The following UBR4 variants were observed in gnomAD, a reference collection of about 807,000 sequenced individuals.
The protein encoded by UBR4 is ubiquitin protein ligase E3 component n-recognin 4.
Under a neutral mutation model 575.6 loss-of-function variants are expected in UBR4, and 124 were observed. The observed-to-expected ratio is 0.22, with a 90% CI of 0.19 to 0.25. The LOEUF is 0.25. Ranked by LOEUF, UBR4 falls within the 10% of genes least tolerant of loss-of-function variation. UBR4 has a pLI of 1.00. For missense variants in UBR4, 4,818 were observed against 6,478.8 expected, an observed-to-expected ratio of 0.74 and a Z score of 8.80; for synonymous variants, 2,455 against 2,473.7, an observed-to-expected ratio of 0.99 and a Z score of 0.22.
At position 19,140,780 on chromosome 1, in the gene UBR4, A is replaced by ACAGTTACCTGATGCTGTGGT. The variant is rs746746178; in HGVS notation, c.8581_8593+7dup. On this transcript the variant is annotated splice_region_variant and intron_variant, in intron 58 of 105. Transcript: ENST00000375254. ...CCCTGAGCCGTGCTCCTTGCTGTGG[A>ACAGTTACCTGATGCTGTGGT]CAGTTACCTGATGCTGTGGTGTCAG... 29 of 1,611,852 alleles carry ACAGTTACCTGATGCTGTGGT rather than the reference A, an allele frequency of 1.8e-5. No homozygotes were observed. Among genetic ancestry groups the ACAGTTACCTGATGCTGTGGT allele is most frequent in the South Asian group, 8.8e-5 (8 of 90,666 alleles).
Position 19,153,802 on chromosome 1 carries a change from A to G in UBR4, c.6596T>C (p.Ile2199Thr), listed in dbSNP as rs371368814. 2.5e-5 allele frequency: 40 copies of G among 1,614,042 alleles called. No homozygotes were observed. The highest frequency in any genetic ancestry group is 3.1e-5 in the Non-Finnish European group (37 of 1,180,022). ...AGCAGGAAGAGTCTTAATCTCCTGG[A>G]TAAGAAAAGTGTCTGGTTTCACCAT... is the stretch of plus-strand genomic sequence containing the variant. ...VVMVKPDTFLIQEIKTLPAKA... is the reference protein window; with the variant it reads ...VVMVKPDTFLTQEIKTLPAKA... The change falls in exon 45 of 106, where the codon ATC (isoleucine) becomes ACC (threonine). Residue 2199 changes from isoleucine to threonine, a missense_variant. Transcript: ENST00000375254. The surrounding 1 kb of genome is among the most constrained non-coding windows in gnomAD (Gnocchi z 4.1).
At chr1:19,193,681 T>C in intron 8 of UBR4, 124 bp from the exon 9 acceptor site, 1 of 1,288,992 alleles carries the variant, frequency 7.8e-7, no homozygotes, top group Non-Finnish European at 1.0e-6. Flanking sequence ...ATAAATGCCA[T>C]TAAGAGCAAG....
Position 19,117,273 on chromosome 1 carries a change from T to C in UBR4, c.10771A>G (p.Asn3591Asp). 6.2e-7 allele frequency: 1 copy of C among 1,614,198 alleles called. No homozygotes were observed. The highest frequency in any genetic ancestry group is 1.1e-5 in the South Asian group (1 of 91,086). ...LKRTKMVRTI[N>D]LYYNNRTVQA... ...ACGGTTCGGTTGTTATAATACAGGT[T>C]GATGGTCCGCACCATCTTGGTCCGT... The change falls in exon 73 of 106, where the codon AAC (asparagine) becomes GAC (aspartate). Residue 3591 changes from asparagine (N) to aspartate (D), a missense_variant. Transcript: ENST00000375254. The surrounding 1 kb of genome is among the most constrained non-coding windows in gnomAD (Gnocchi z 4.0).
chr1:19,117,277 G>C lies in UBR4; in HGVS notation c.10767C>G (p.Thr3589=). 6.2e-7 allele frequency: 1 copy of C among 1,614,102 alleles called. No individual in the cohort carries two copies. Among genetic ancestry groups the C allele is most frequent in the Non-Finnish European group, 8.5e-7 (1 of 1,180,024 alleles). The change falls in exon 73 of 106, where the codon ACC becomes ACG. Residue 3589 remains threonine, a synonymous_variant. Coordinates refer to ENST00000375254, the MANE Select transcript of UBR4 (RefSeq NM_020765.3). This position sits in a 1 kb window ranked among gnomAD's most constrained non-coding sequence, Gnocchi z 4.0. ...TTCGGTTGTTATAATACAGGTTGATGGTCCGCACCATCTTGGTCCGTTTCA... is the reference window on the plus strand; with the variant it reads ...TTCGGTTGTTATAATACAGGTTGATCGTCCGCACCATCTTGGTCCGTTTCA... ...GDLKRTKMVR[T]INLYYNNRTV...
Position 19,104,634 on chromosome 1 carries a change from A to T in UBR4, c.12678T>A (p.Ala4226=), listed in dbSNP as rs1437666984. The T allele has an allele frequency of 6.2e-7, 1 of 1,614,022 alleles. No individual in the cohort carries two copies. The highest frequency in any genetic ancestry group is 8.5e-7 in the Non-Finnish European group (1 of 1,180,018). ...EIARLLALEE[A]TLSTDLQQGY... ...CCTGCTGCAGATCGGTACTCAGGGT[A>T]GCCTCCTCCAGGGCCAGCAGACGAG... The change falls in exon 86 of 106, where the codon GCT becomes GCA. Residue 4226 remains alanine, a synonymous_variant. Coordinates refer to ENST00000375254, the MANE Select transcript of UBR4 (RefSeq NM_020765.3).
At position 19,192,461 on chromosome 1, in the gene UBR4, G is replaced by A; in HGVS notation, c.1203+20C>T. On this transcript the variant is annotated intron_variant, in intron 10 of 105. Transcript: ENST00000375254. ...AGGACAAGATAGGAAGTATGCAGCA[G>A]AGACAGATACGCTTCTTACCTCACC... is the stretch of plus-strand genomic sequence containing the variant. 6.2e-7 allele frequency: 1 copy of A among 1,614,196 alleles called. No homozygotes were observed. The highest frequency in any genetic ancestry group is 8.5e-7 in the Non-Finnish European group (1 of 1,180,024).
rs938504625 is a variant in UBR4, at chr1:19,157,071, T to A, written c.5761-146A>T. On this transcript the variant is annotated intron_variant, in intron 40 of 105. Transcript: ENST00000375254. This position sits in a 1 kb window ranked among gnomAD's most constrained non-coding sequence, Gnocchi z 4.4. Reference sequence around the variant, plus strand: ...TCTAGTAGAAAATCCTAGATCAGTATTAGTCTCTATTACTCCTGGCTAAAA... The same window carrying A: ...TCTAGTAGAAAATCCTAGATCAGTAATAGTCTCTATTACTCCTGGCTAAAA... The A allele has an allele frequency of 3.6e-6, 3 of 841,422 alleles. No individual in the cohort carries two copies. In the African/African-American group the frequency reaches 5.2e-5, roughly 14 times the overall value. The allele number at this position is 841,422 out of a possible 1,614,324, so 52.1% of individuals were successfully genotyped here.
chr1:19,153,586 G>A lies in UBR4; in HGVS notation c.6631-84C>T. On this transcript the variant is annotated intron_variant, in intron 45 of 105. Coordinates refer to ENST00000375254, the MANE Select transcript of UBR4 (RefSeq NM_020765.3). This position sits in a 1 kb window ranked among gnomAD's most constrained non-coding sequence, Gnocchi z 4.1. ...CAGAAAAAGAGGCAGAGATGCAACT[G>A]GTTTCATGGTCAGTTGAGGGGCTGT... is the stretch of plus-strand genomic sequence containing the variant. 6.4e-7 allele frequency: 1 copy of A among 1,550,922 alleles called. No homozygotes were observed. The highest frequency in any genetic ancestry group is 8.8e-7 in the Non-Finnish European group (1 of 1,130,524).
chr1:19,081,855 C>T (rs1026819192), intron 102 of UBR4: 2 of 651,884 alleles, frequency 3.1e-6, no homozygotes, highest in Non-Finnish European at 5.7e-6. Context: ...ACTACTGGTT[C>T]CTGAGCACCA....
In UBR4 at chr1:19,162,435, G is replaced by A; in HGVS notation, c.4941C>T (p.Ser1647=). 2 of 1,613,162 alleles carry A rather than the reference G, an allele frequency of 1.2e-6. No homozygotes were observed. Among genetic ancestry groups the A allele is most frequent in the Non-Finnish European group, 8.5e-7 (1 of 1,179,688 alleles). ...VEELAVEEED[S]QAEDSDEDSL... ...TAGTACTTACTGAATCCTCAGCCTGGGAATCTTCCTCTTCCACCGCCAACT... is the reference window on the plus strand; with the variant it reads ...TAGTACTTACTGAATCCTCAGCCTGAGAATCTTCCTCTTCCACCGCCAACT... The change falls in exon 35 of 106, where the codon TCC becomes TCT. Residue 1647 remains serine, a synonymous_variant. Transcript: ENST00000375254.
chr1:19,143,834 G>T, intron 55 of UBR4, 146 bp downstream of exon 55: 1 of 579,130 alleles, frequency 1.7e-6, no homozygotes, highest in East Asian at 2.9e-5. Flanking sequence ...AATTCTTTAT[G>T]GGGTGAGGTA....
chr1:19,130,458 G>C (rs2082291126), intron 60 of UBR4, among the ~76,000 whole-genome samples: 1 of 152,194 alleles, frequency 6.6e-6, no homozygotes, highest in African/African-American at 2.4e-5. Flanking sequence ...CAAGGTTACA[G>C]TGAGCCATGA....
Position 19,201,497 on chromosome 1 carries a change from T to G in UBR4, c.274+221A>C, listed in dbSNP as rs577511197. ...GTGGACTTAATACTTATAAAGCAGGTGTCCAAGCCAAGTAGTTTTAAAATT... is the reference window on the plus strand; with the variant it reads ...GTGGACTTAATACTTATAAAGCAGGGGTCCAAGCCAAGTAGTTTTAAAATT... On this transcript the variant is annotated intron_variant, in intron 2 of 105. Coordinates refer to ENST00000375254, the MANE Select transcript of UBR4 (RefSeq NM_020765.3). Among the ~76,000 whole-genome samples the G allele has an allele frequency of 8.0e-4, 122 of 152,318 alleles. 1 individual carries two copies. The highest frequency in any genetic ancestry group is 2.6e-3 in the African/African-American group (109 of 41,568).
In UBR4 at chr1:19,094,143, C is replaced by T. The variant is rs1225334454; in HGVS notation, c.13747-4G>A. On this transcript the variant is annotated splice_polypyrimidine_tract_variant and splice_region_variant and intron_variant, in intron 94 of 105. Coordinates refer to ENST00000375254, the MANE Select transcript of UBR4 (RefSeq NM_020765.3). ...CACCTGTCAGGAGGAGGTTGCCCTG[C>T]AACAGAAAAGAGGGTGAACATGCCA... is the stretch of plus-strand genomic sequence containing the variant. 1.9e-6 allele frequency: 3 copies of T among 1,610,638 alleles called. No individual in the cohort carries two copies. Among genetic ancestry groups the T allele is most frequent in the African/African-American group, 2.7e-5 (2 of 74,972 alleles).
intron 61 of UBR4, 113 bp from the exon 62 acceptor site, chr1:19,128,431 C>T: frequency 1.1e-6 from 1 of 897,986 alleles, no homozygotes; most frequent in Non-Finnish European, 1.8e-6. Flanking sequence ...TCAATCATAA[C>T]TGTAATCCAT....
At chr1:19,179,887 C>T (rs2090698874) in intron 17 of UBR4, among the ~76,000 whole-genome samples, 2 of 152,326 alleles carry the variant, frequency 1.3e-5, no homozygotes, top group Middle Eastern at 3.4e-3. Context: ...AGACACAAAG[C>T]ATGGTTACTG....
At chr1:19,076,996 G>T in intron 104 of UBR4, 94 bp from the exon 105 acceptor site, 2 of 1,384,914 alleles carry the variant, frequency 1.4e-6, no homozygotes, top group Non-Finnish European at 2.0e-6. Context: ...CCCCTCAAAG[G>T]ACAGCCCTCC....
intron 90 of UBR4, among the ~76,000 whole-genome samples, chr1:19,097,926 C>G (rs2078217128): frequency 6.6e-6 from 1 of 152,166 alleles, no homozygotes; most frequent in African/African-American, 2.4e-5. Context: ...AGAATCAAGT[C>G]TTTTATAAAT....
chr1:19,172,118 G>A (rs190708705), intron 25 of UBR4, among the ~76,000 whole-genome samples: 2 of 152,102 alleles, frequency 1.3e-5, no homozygotes, highest in Admixed American at 6.5e-5. Flanking sequence ...AAGTCTACAG[G>A]GCATGCAATT....
Sources: gnomAD v4.1 joint callset for allele counts (sites outside exome capture counted in the v4.1 genomes callset) on GRCh38, gnomAD v4.1.1 for gene constraint, Gnocchi (gnomAD v3.1) non-coding constraint, MANE v1.5 for transcripts, NCBI Gene and HGNC (gene_info 2026-07-23, HGNC 2026-07-21) for gene names.